The following KIF14 variants were observed in gnomAD, a reference collection of about 807,000 sequenced individuals.
KIF14 encodes the protein kinesin-like protein KIF14.
Under a neutral mutation model 176.2 loss-of-function variants are expected in KIF14, and 98 were observed. The observed-to-expected ratio is 0.56, with a 90% CI of 0.47 to 0.66. The LOEUF (loss-of-function observed/expected upper bound fraction) is 0.66, where lower values mean the gene tolerates loss of function less well. Ranked by LOEUF, KIF14 falls within the 30% of genes least tolerant of loss-of-function variation. The pLI, the probability that KIF14 is intolerant of heterozygous loss-of-function variation, is 0.00. For synonymous variants in KIF14, 566 were observed against 632.2 expected (o/e 0.90, Z 1.57); for missense variants, 1,751 against 1,920.4 (o/e 0.91, Z 1.65).
At chr1:200,591,668 A>T (rs980538685) in intron 16 of KIF14, among the ~76,000 whole-genome samples, 2 of 152,204 alleles carry the variant, frequency 1.3e-5, no homozygotes, top group Non-Finnish European at 2.9e-5. Flanking sequence ...CTAATCGTCT[A>T]TTGGGATTCT....
At chr1:200,557,267 G>A (rs1656884807) in intron 27 of KIF14, among the ~76,000 whole-genome samples, 1 of 152,208 alleles carries the variant, frequency 6.6e-6, no homozygotes, top group South Asian at 2.1e-4. Flanking sequence ...CTCCCAAAGT[G>A]CTGGGATGAC....
At chr1:200,592,812 G>T (rs1390664561) in intron 15 of KIF14, among the ~76,000 whole-genome samples, 1 of 152,096 alleles carries the variant, frequency 6.6e-6, no homozygotes, top group Non-Finnish European at 1.5e-5. Context: ...TACACACTTA[G>T]GCTATATGGC....
chr1:200,611,268 G>A (rs975755527), intron 4 of KIF14, among the ~76,000 whole-genome samples: 1 of 152,190 alleles, frequency 6.6e-6, no homozygotes, highest in African/African-American at 2.4e-5. Context: ...TATTTATTGT[G>A]CCCTACTAGG....
At chr1:200,608,323 A>G (rs150991462) in intron 5 of KIF14, among the ~76,000 whole-genome samples, 26 of 151,734 alleles carry the variant, frequency 1.7e-4, no homozygotes, top group African/African-American at 6.3e-4. Flanking sequence ...GTTAAATCTG[A>G]TAACTAATTT....
In KIF14 at chr1:200,589,522, A is replaced by AAATATCACTAGTCAAACTT. The variant is rs75982554; in HGVS notation, c.2962-154_2962-153insAAGTTTGACTAGTGATATT. Among the ~76,000 whole-genome samples the AAATATCACTAGTCAAACTT allele has an allele frequency of 0.79, 120,427 of 151,718 alleles. 48,160 individuals are homozygous for AAATATCACTAGTCAAACTT. Among genetic ancestry groups the AAATATCACTAGTCAAACTT allele is most frequent in the African/African-American group, 0.89 (36,708 of 41,392 alleles). ...CACTTCATTCAGGTTAACTAAAAATACTTAAGAGTATTATCTAAAATGGGC... is the reference window on the plus strand; with the variant it reads ...CACTTCATTCAGGTTAACTAAAAATAAATATCACTAGTCAAACTTCTTAAGAGTATTATCTAAAATGGGC... On this transcript the variant is annotated intron_variant, in intron 17 of 29. Transcript: ENST00000367350.
At chr1:200,560,657 T>C in intron 26 of KIF14, 65 bp downstream of exon 26, 1 of 1,504,366 alleles carries the variant, frequency 6.6e-7, no homozygotes, top group Non-Finnish European at 9.2e-7. Flanking sequence ...TTTAGTACTG[T>C]ACTATTATCA....
chr1:200,619,572 C>T (rs1418384852), intron 1 of KIF14, among the ~76,000 whole-genome samples: 1 of 152,072 alleles, frequency 6.6e-6, no homozygotes, highest in Non-Finnish European at 1.5e-5. Flanking sequence ...AGGATGGTCT[C>T]GATATCTTGA....
At chr1:200,558,243 C>T (rs552582996) in intron 27 of KIF14, among the ~76,000 whole-genome samples, 2 of 152,174 alleles carry the variant, frequency 1.3e-5, no homozygotes, top group East Asian at 3.8e-4. Context: ...GCATGAGCTA[C>T]CATCCCTGGC....
chr1:200,591,513 C>G (rs1323126943), intron 16 of KIF14, among the ~76,000 whole-genome samples: 1 of 152,170 alleles, frequency 6.6e-6, no homozygotes, highest in Non-Finnish European at 1.5e-5. Flanking sequence ...AACTCTTTAG[C>G]ATTTTATTTG....
Position 200,593,756 on chromosome 1 carries a change from A to C in KIF14, c.2563T>G (p.Phe855Val). The C allele has an allele frequency of 6.2e-7, 1 of 1,602,222 alleles. No individual in the cohort carries two copies. Among genetic ancestry groups the C allele is most frequent in the Non-Finnish European group, 8.5e-7 (1 of 1,169,806 alleles). ...IADDHCTIKN[F>V]GGTVSIIPVG... ...GGGATAATACTCACTGTCCCACCAA[A>C]ATTTTTGATAGTACTGTTAAAATAA... is the stretch of plus-strand genomic sequence containing the variant. Residue 855 changes from phenylalanine (F) to valine (V), a missense_variant, in exon 15 of 30, where the codon TTT becomes GTT. Coordinates refer to ENST00000367350, the MANE Select transcript of KIF14 (RefSeq NM_014875.3).
At chr1:200,576,477 C>CGAA (rs576387999) in intron 21 of KIF14, among the ~76,000 whole-genome samples, 1 of 87,488 alleles carries the variant, frequency 1.1e-5, no homozygotes, top group Non-Finnish European at 2.5e-5. Flanking sequence ...GACTCCGTCT[C>CGAA]AAAAAAAAAA....
chr1:200,581,333 A>C, intron 19 of KIF14, 39 bp from the exon 20 acceptor site: 1 of 1,170,574 alleles, frequency 8.5e-7, no homozygotes, highest in Non-Finnish European at 1.2e-6. Flanking sequence ...AAATACATAC[A>C]TGGACACTAA....
In KIF14 at chr1:200,604,337, G is replaced by A. The variant is rs144861567; in HGVS notation, c.1747-382C>T. ...CCTGCCTCGGCCTCCTAAAGTGCTG[G>A]GATTACAGGCGTGAGCCACTGCACC... On this transcript the variant is annotated intron_variant, in intron 8 of 29. Transcript: ENST00000367350. Among the ~76,000 whole-genome samples, 356 of 152,182 alleles carry A rather than the reference G, an allele frequency of 2.3e-3. 8 individuals are homozygous for A. The East Asian group carries it at 0.058, about 25-fold the overall frequency.
chr1:200,603,908 T>G lies in KIF14; in HGVS notation c.1794A>C (p.Arg598=). Residue 598 remains arginine, a synonymous_variant, in exon 9 of 30, where the codon CGA becomes CGC. Coordinates refer to ENST00000367350, the MANE Select transcript of KIF14 (RefSeq NM_014875.3). ...TGCCTGCCAGATCTATTAGGTTAAT[T>G]CGACTTGTTATTCTGTGATCGTGTT... ...GEEHDHRITS[R]INLIDLAGSE... 1.2e-6 allele frequency: 2 copies of G among 1,613,892 alleles called. No homozygotes were observed. Among genetic ancestry groups the G allele is most frequent in the Admixed American group, 1.7e-5 (1 of 60,016 alleles).
chr1:200,614,702 C>T (rs865843336), intron 3 of KIF14, among the ~76,000 whole-genome samples: 13 of 100,526 alleles, frequency 1.3e-4, no homozygotes, highest in South Asian at 3.7e-4. Context: ...ATAGTAAGAA[C>T]TCAAATGTTG....
chr1:200,613,513 T>C (rs139228087), intron 4 of KIF14, among the ~76,000 whole-genome samples: 315 of 152,294 alleles, frequency 2.1e-3, no homozygotes, highest in African/African-American at 6.8e-3. Flanking sequence ...TTTCTCCCAC[T>C]ACACTCCTTT....
intron 1 of KIF14, among the ~76,000 whole-genome samples, chr1:200,619,975 T>G (rs1054577431): frequency 1.3e-5 from 2 of 152,256 alleles, no homozygotes; most frequent in African/African-American, 4.8e-5. Context: ...AACAAGACTT[T>G]AAATTTGCAT....
In KIF14 at chr1:200,576,001, A is replaced by G. The variant is rs75662657; in HGVS notation, c.3466-310T>C. On this transcript the variant is annotated intron_variant, in intron 21 of 29. Coordinates refer to ENST00000367350, the MANE Select transcript of KIF14 (RefSeq NM_014875.3). ...AAATCCTCAGGAGAGACATAAAAGA[A>G]TAATCTGACAAAGTTAAGATGTAGT... 2.8e-4 allele frequency among the ~76,000 whole-genome samples: 43 copies of G among 152,328 alleles called. No homozygotes were observed. In the East Asian group the frequency reaches 8.3e-3, roughly 29 times the overall value.
chr1:200,592,132 G>T lies in KIF14; in HGVS notation c.2761C>A (p.Pro921Thr), dbSNP rs940559782. ...SGRDTPISEG[P>T]KDFEFAKNEL... ...TTTTTTGCAAATTCAAAGTCTTTTG[G>T]ACCCTCACTTATAGGAGTATCTCTT... The change falls in exon 16 of 30, where the codon CCA (proline) becomes ACA (threonine). Residue 921 changes from proline to threonine, a missense_variant. By Grantham distance (38) the Pro-to-Thr change is conservative. Transcript: ENST00000367350. 3 of 1,613,282 alleles carry T rather than the reference G, an allele frequency of 1.9e-6. No individual in the cohort carries two copies. The African/African-American group carries it at 4.0e-5, about 22-fold the overall frequency.
Sources: gnomAD v4.1 joint callset for allele counts (sites outside exome capture counted in the v4.1 genomes callset) on GRCh38, gnomAD v4.1.1 for gene constraint, MANE v1.5 for transcripts, NCBI Gene and HGNC (gene_info 2026-07-23, HGNC 2026-07-21) for gene names.